SLC39A11: variants seen among roughly 807,000 people sequenced by gnomAD.
SLC39A11 encodes the protein zinc transporter ZIP11.
In SLC39A11, 33 loss-of-function variants were observed where a neutral mutation model predicts 36.1. The observed-to-expected ratio is 0.91, with a 90% CI of 0.69 to 1.22. SLC39A11 has a LOEUF of 1.22. Ranked by LOEUF, SLC39A11 falls within the 50% of genes most tolerant of loss-of-function variation. The pLI is 0.00. For missense variants in SLC39A11, 432 were observed against 430.3 expected (o/e 1.00, Z -0.03); for synonymous variants, 166 against 170.3 (o/e 0.97, Z 0.20).
intron 5 of SLC39A11, among the ~76,000 whole-genome samples, chr17:72,892,448 G>C (rs1261778970): frequency 6.6e-6 from 1 of 150,760 alleles, no homozygotes; most frequent in Non-Finnish European, 1.5e-5. Context: ...GCCCAGAATA[G>C]ATGTCAAAGA....
At chr17:73,031,484 G>C (rs2058736255) in intron 4 of SLC39A11, 72 bp downstream of exon 4, 2 of 1,533,366 alleles carry the variant, frequency 1.3e-6, no homozygotes, top group South Asian at 2.3e-5. Flanking sequence ...TGTCAGGTTT[G>C]ATCAGAAATA....
chr17:72,851,426 A>C (rs1187045514), intron 5 of SLC39A11, among the ~76,000 whole-genome samples: 2 of 152,126 alleles, frequency 1.3e-5, no homozygotes, highest in Non-Finnish European at 2.9e-5. Context: ...GTGAATCTTA[A>C]ACACGTGATG....
rs372207097 is a variant in SLC39A11, at chr17:72,890,911, G to A, written c.431-41107C>T. ...AGAAAGGAAGGATGAGAATGATTAA[G>A]CACTGCAAATATACTGAGAATTTCA... On this transcript the variant is annotated intron_variant, in intron 5 of 9. Transcript: ENST00000255559. 1.4e-4 allele frequency among the ~76,000 whole-genome samples: 21 copies of A among 152,198 alleles called. No individual in the cohort carries two copies. In the East Asian group the frequency reaches 2.9e-3, roughly 21 times the overall value.
intron 4 of SLC39A11, among the ~76,000 whole-genome samples, chr17:72,962,296 GCCAGAGT>G (rs2086666501): frequency 6.6e-6 from 1 of 152,166 alleles, no homozygotes; most frequent in African/African-American, 2.4e-5. Context: ...TTTCCATGGG[GCCAGAGT>G]CCAGGGATCG....
chr17:72,803,098 T>C (rs2077148540), intron 6 of SLC39A11, among the ~76,000 whole-genome samples: 1 of 152,240 alleles, frequency 6.6e-6, no homozygotes, highest in South Asian at 2.1e-4. Context: ...GGATTTGGTT[T>C]CCCAAATAGA....
intron 3 of SLC39A11, among the ~76,000 whole-genome samples, chr17:73,036,598 C>A (rs2058923839): frequency 6.6e-6 from 1 of 152,140 alleles, no homozygotes; most frequent in African/African-American, 2.4e-5. Context: ...AGGTGCCCAC[C>A]ATGCCGCCCA....
intron 7 of SLC39A11, among the ~76,000 whole-genome samples, chr17:72,673,367 T>G (rs2071102671): frequency 6.6e-6 from 1 of 152,122 alleles, no homozygotes; most frequent in South Asian, 2.1e-4. Context: ...CCTCCCAAAG[T>G]GCTGGGATTA....
chr17:72,912,377 C>T (rs2083061314), intron 5 of SLC39A11, among the ~76,000 whole-genome samples: 1 of 151,888 alleles, frequency 6.6e-6, no homozygotes, highest in Admixed American at 6.6e-5. Flanking sequence ...GAAGGTGGTG[C>T]CCCAAGTCAG....
At chr17:72,889,536 CAA>C (rs10536927) in intron 5 of SLC39A11, among the ~76,000 whole-genome samples, 60,827 of 140,726 alleles carry the variant, frequency 0.43, 13,215 homozygotes, top group East Asian at 0.68. Flanking sequence ...GACTCCATCT[CAA>C]AAAAAAAAAA....
chr17:73,022,144 A>G (rs904161505), intron 4 of SLC39A11, among the ~76,000 whole-genome samples: 2 of 152,260 alleles, frequency 1.3e-5, no homozygotes, highest in Non-Finnish European at 2.9e-5. Flanking sequence ...GCTAACACAC[A>G]TGGGCATACA....
At chr17:72,732,004 G>GGCCCTT (rs1482643722) in intron 7 of SLC39A11, among the ~76,000 whole-genome samples, 2 of 140,410 alleles carry the variant, frequency 1.4e-5, no homozygotes, top group African/African-American at 2.6e-5. Flanking sequence ...TGAGATTACA[G>GGCCCTT]GCCCTTTTCT....
chr17:72,936,471 C>T (rs1418895983), intron 5 of SLC39A11, among the ~76,000 whole-genome samples: 1 of 116,292 alleles, frequency 8.6e-6, no homozygotes, highest in South Asian at 2.9e-4. Context: ...GGGGAACAAA[C>T]AGGAGATCCT....
chr17:72,732,040 CTTTTTTTTTTTTTTT>C (rs764728558), intron 7 of SLC39A11, among the ~76,000 whole-genome samples: 2 of 33,666 alleles, frequency 5.9e-5, no homozygotes, highest in East Asian at 8.9e-4. Context: ...CTTTTCTTTT[CTTTTTTTTTTTTTTT>C]TTTTTTTTTT....
At chr17:72,906,246 G>C (rs2082651106) in intron 5 of SLC39A11, among the ~76,000 whole-genome samples, 1 of 152,256 alleles carries the variant, frequency 6.6e-6, no homozygotes, top group Admixed American at 6.5e-5. Context: ...CAGGTGACCA[G>C]ACCCCATTCA....
intron 6 of SLC39A11, among the ~76,000 whole-genome samples, chr17:72,767,886 G>A (rs1449831705): frequency 6.6e-6 from 1 of 152,100 alleles, no homozygotes; most frequent in Admixed American, 6.5e-5. Context: ...TAGACACGAG[G>A]CTGGCCATAC....
chr17:72,745,684 T>C (rs1231598353), intron 6 of SLC39A11, among the ~76,000 whole-genome samples: 2 of 152,214 alleles, frequency 1.3e-5, no homozygotes, highest in African/African-American at 4.8e-5. Context: ...TTCCACGCCA[T>C]TTGTTCTCCA....
At chr17:72,683,753 A>C (rs2071614634) in intron 7 of SLC39A11, among the ~76,000 whole-genome samples, 1 of 152,076 alleles carries the variant, frequency 6.6e-6, no homozygotes, top group South Asian at 2.1e-4. Flanking sequence ...AGACAGAGCC[A>C]AAAAACCAAA....
At chr17:72,741,723 T>G (rs572046589) in intron 6 of SLC39A11, among the ~76,000 whole-genome samples, 44 of 152,192 alleles carry the variant, frequency 2.9e-4, no homozygotes, top group Middle Eastern at 6.8e-3. Context: ...GGGAAGGTGA[T>G]GGGAGCTGGT....
At chr17:72,876,611 T>A (rs2080909286) in intron 5 of SLC39A11, among the ~76,000 whole-genome samples, 1 of 152,126 alleles carries the variant, frequency 6.6e-6, no homozygotes, top group African/African-American at 2.4e-5. Context: ...AACTTACCAA[T>A]CACTGCATCT....
Sources: gnomAD v4.1 joint callset for allele counts (sites outside exome capture counted in the v4.1 genomes callset) on GRCh38, gnomAD v4.1.1 for gene constraint, MANE v1.5 for transcripts, NCBI Gene and HGNC (gene_info 2026-07-23, HGNC 2026-07-21) for gene names.